Variants in TRPM7 observed in about 807,000 individuals in gnomAD.
TRPM7 encodes the protein LTRPC ion channel family member 7.
TRPM7 carries 134 observed loss-of-function variants against 229.7 expected under a neutral mutation model. The ratio of observed to expected loss-of-function variants is 0.58; its 90% CI spans 0.51 to 0.67. TRPM7 has a LOEUF of 0.67. Among genes scored for constraint, TRPM7 ranks in the 30% least tolerant of loss-of-function variants. The probability of loss-of-function intolerance (pLI) is 0.00; values close to 1 mark genes in which losing one functional copy is unlikely to be tolerated. For synonymous variants in TRPM7, 699 were observed against 715.2 expected (o/e 0.98, Z 0.36); for missense variants, 1,901 against 2,210.0 (o/e 0.86, Z 2.80).
intron 38 of TRPM7, among the ~76,000 whole-genome samples, chr15:50,568,292 G>A (rs2053708969): frequency 6.6e-6 from 1 of 151,498 alleles, no homozygotes. Context: ...ATACTGTGCT[G>A]GAAATCCTTG....
At chr15:50,629,296 C>T (rs552964687) in intron 10 of TRPM7, among the ~76,000 whole-genome samples, 2 of 149,488 alleles carry the variant, frequency 1.3e-5, no homozygotes, top group Non-Finnish European at 3.0e-5. Flanking sequence ...TTTCTGAGAC[C>T]GAGTCTCTCC....
intron 12 of TRPM7, among the ~76,000 whole-genome samples, chr15:50,620,219 G>C (rs1596220732): frequency 6.6e-6 from 1 of 152,042 alleles, no homozygotes; most frequent in Non-Finnish European, 1.5e-5. Flanking sequence ...TAACCCACGG[G>C]CTGCATGCAG....
intron 13 of TRPM7, among the ~76,000 whole-genome samples, chr15:50,617,760 T>G (rs2060268271): frequency 6.6e-6 from 1 of 151,950 alleles, no homozygotes; most frequent in South Asian, 2.1e-4. Flanking sequence ...TGATCCTCCC[T>G]CAGTGCCCCC....
At chr15:50,591,486 A>AT (rs200361880) in intron 26 of TRPM7, among the ~76,000 whole-genome samples, 65,581 of 143,500 alleles carry the variant, frequency 0.46, 14,955 homozygotes, top group African/African-American at 0.54. Context: ...CCTACTTCTG[A>AT]TTTTTTTTTT....
chr15:50,562,045 C>T (rs758225674), intron 38 of TRPM7, among the ~76,000 whole-genome samples: 6 of 152,068 alleles, frequency 3.9e-5, no homozygotes, highest in Non-Finnish European at 7.4e-5. Flanking sequence ...CAGGCATGCA[C>T]CACCATGCCC....
chr15:50,600,129 T>C (rs1266143257), intron 21 of TRPM7, among the ~76,000 whole-genome samples: 1 of 152,162 alleles, frequency 6.6e-6, no homozygotes, highest in Non-Finnish European at 1.5e-5. Context: ...CTGTCTAGCC[T>C]AGACAATATA....
At chr15:50,577,504 A>T (rs2054192402) in intron 31 of TRPM7, among the ~76,000 whole-genome samples, 1 of 152,120 alleles carries the variant, frequency 6.6e-6, no homozygotes, top group Non-Finnish European at 1.5e-5. Flanking sequence ...CCAAGATCAC[A>T]CCACTATACT....
chr15:50,640,266 A>G (rs1009588653), intron 5 of TRPM7, among the ~76,000 whole-genome samples: 2 of 152,010 alleles, frequency 1.3e-5, no homozygotes, highest in African/African-American at 2.4e-5. Context: ...ACTCCTCATT[A>G]TCACTTCTTT....
At chr15:50,679,516 AT>A (rs1168796245) in intron 1 of TRPM7, among the ~76,000 whole-genome samples, 9 of 32,384 alleles carry the variant, frequency 2.8e-4, no homozygotes, top group East Asian at 4.2e-3. Context: ...TATATAATAT[AT>A]ATATATATAT....
At chr15:50,680,437 G>A (rs1024918288) in intron 1 of TRPM7, among the ~76,000 whole-genome samples, 17 of 150,896 alleles carry the variant, frequency 1.1e-4, no homozygotes, top group African/African-American at 3.4e-4. Flanking sequence ...CAATGTGGTG[G>A]CGCAACCTGT....
At chr15:50,639,606 AC>A in intron 5 of TRPM7, 58 bp from the exon 6 acceptor site, 2 of 1,535,360 alleles carry the variant, frequency 1.3e-6, no homozygotes, top group Non-Finnish European at 8.9e-7. Flanking sequence ...AGACAGGGTC[AC>A]CCAGGAAAGA....
chr15:50,657,064 C>T (rs2140893236), intron 3 of TRPM7, among the ~76,000 whole-genome samples: 1 of 152,294 alleles, frequency 6.6e-6, no homozygotes, highest in South Asian at 2.1e-4. Context: ...TGGCTCACAC[C>T]TGTAATCCTA....
At chr15:50,671,026 T>G (rs777682989) in intron 1 of TRPM7, among the ~76,000 whole-genome samples, 11 of 152,156 alleles carry the variant, frequency 7.2e-5, no homozygotes, top group Non-Finnish European at 1.6e-4. Flanking sequence ...ATCGAGCTAA[T>G]TATCATATAC....
At chr15:50,564,629 C>G (rs2053508922) in intron 38 of TRPM7, among the ~76,000 whole-genome samples, 2 of 151,802 alleles carry the variant, frequency 1.3e-5, no homozygotes, top group Non-Finnish European at 2.9e-5. Context: ...TGGCGTAAAC[C>G]CTTATATTTT....
chr15:50,568,506 T>C (rs2053719680), intron 38 of TRPM7, among the ~76,000 whole-genome samples: 1 of 152,174 alleles, frequency 6.6e-6, no homozygotes, highest in Non-Finnish European at 1.5e-5. Flanking sequence ...ACTAGTACCA[T>C]TTACATACCT....
chr15:50,668,285 A>G (rs979401411), intron 1 of TRPM7, among the ~76,000 whole-genome samples: 2 of 152,212 alleles, frequency 1.3e-5, no homozygotes, highest in East Asian at 3.8e-4. Context: ...AACTTCATGG[A>G]CTGAATTAAT....
intron 2 of TRPM7, among the ~76,000 whole-genome samples, chr15:50,659,110 A>T (rs978728747): frequency 4.6e-5 from 7 of 151,972 alleles, no homozygotes; most frequent in Non-Finnish European, 1.5e-5. Flanking sequence ...AGGAAAGAGA[A>T]TGGCCTGAAC....
At chr15:50,644,893 T>G (rs1163278637) in intron 4 of TRPM7, among the ~76,000 whole-genome samples, 3 of 151,288 alleles carry the variant, frequency 2.0e-5, no homozygotes, top group Admixed American at 1.3e-4. Context: ...AAGAATACTT[T>G]GGTTTTTGGT....
At chr15:50,658,977 T>G (rs1278568769) in intron 2 of TRPM7, among the ~76,000 whole-genome samples, 3 of 152,108 alleles carry the variant, frequency 2.0e-5, no homozygotes, top group Non-Finnish European at 2.9e-5. Flanking sequence ...GGCGGGAGGA[T>G]CACGAGGTCA....
Sources: allele counts gnomAD v4.1 joint callset (sites outside exome capture counted in the v4.1 genomes callset), GRCh38; gene constraint gnomAD v4.1.1; transcripts MANE v1.5; gene names NCBI Gene and HGNC (gene_info 2026-07-23, HGNC 2026-07-21).